UBA2: variants seen among roughly 807,000 people sequenced by gnomAD.
UBA2 encodes the protein SUMO-activating enzyme subunit 2.
UBA2 carries 11 observed loss-of-function variants against 77.2 expected under a neutral mutation model. The ratio of observed to expected loss-of-function variants is 0.14; its 90% CI spans 0.09 to 0.24. The LOEUF is 0.24. Among genes scored for constraint, UBA2 ranks in the 10% least tolerant of loss-of-function variants. UBA2 has a pLI of 1.00. For synonymous variants in UBA2, 278 were observed against 276.7 expected (o/e 1.00, Z -0.05); for missense variants, 487 against 781.7 (o/e 0.62, Z 4.50).
At chr19:34,459,014 C>T in intron 13 of UBA2, 90 bp downstream of exon 13, 1 of 1,339,728 alleles carries the variant, frequency 7.5e-7, no homozygotes, top group Non-Finnish European at 1.0e-6. Context: ...CTGAAAAGGT[C>T]CAACTGCAGA....
In UBA2 at chr19:34,466,994, C is replaced by G; in HGVS notation, c.1721C>G (p.Ala574Gly). The change falls in exon 16 of 17, where the codon GCT becomes GGT. Residue 574 changes from alanine (A) to glycine (G), a missense_variant. Coordinates refer to ENST00000246548, the MANE Select transcript of UBA2 (RefSeq NM_005499.3). ...KSITNGSDDG[A>G]QPSTSTAQEQ... The stretch of plus-strand genomic sequence containing the variant: ...ATAACCAATGGCAGTGATGATGGAG[C>G]TCAGCCCTCCACCTCCACAGGTGAG... 6.2e-7 allele frequency: 1 copy of G among 1,614,086 alleles called. No homozygotes were observed. The highest frequency in any genetic ancestry group is 8.5e-7 in the Non-Finnish European group (1 of 1,179,964).
chr19:34,457,208 A>ATATG (rs1168649138), intron 12 of UBA2, among the ~76,000 whole-genome samples: 10 of 133,992 alleles, frequency 7.5e-5, no homozygotes, highest in African/African-American at 2.6e-4. Context: ...ATATATATAT[A>ATATG]TATATAAAAT....
chr19:34,453,684 G>A (rs1236241652), intron 10 of UBA2, among the ~76,000 whole-genome samples: 1 of 151,884 alleles, frequency 6.6e-6, no homozygotes, highest in Non-Finnish European at 1.5e-5. Flanking sequence ...GCGCCACCAT[G>A]CCTGGCTAAT....
intron 16 of UBA2, 73 bp from the exon 17 acceptor site, chr19:34,468,967 T>C: frequency 7.6e-7 from 1 of 1,311,910 alleles, no homozygotes; most frequent in South Asian, 1.7e-5. Context: ...CTTTCAATTA[T>C]AGAAAATACA....
chr19:34,458,789 A>C lies in UBA2; in HGVS notation c.1266A>C (p.Pro422=). ...CAAAGATTTTTTTGAATAAACAACCAAACCCAAGAAAGAAGCTTCTTGTGC... is the reference window on the plus strand; with the variant it reads ...CAAAGATTTTTTTGAATAAACAACCCAACCCAAGAAAGAAGCTTCTTGTGC... The part of the protein sequence containing the change: ...QCRTIFLNKQ[P]NPRKKLLVPC... Residue 422 remains proline (P), a synonymous_variant, in exon 13 of 17, where the codon CCA becomes CCC. Transcript: ENST00000246548. 2 of 1,610,474 alleles carry C rather than the reference A, an allele frequency of 1.2e-6. No homozygotes were observed. The highest frequency in any genetic ancestry group is 1.1e-5 in the South Asian group (1 of 89,826).
chr19:34,462,017 T>A (rs1025071950), intron 14 of UBA2, among the ~76,000 whole-genome samples: 4 of 152,314 alleles, frequency 2.6e-5, no homozygotes, highest in Non-Finnish European at 5.9e-5. Flanking sequence ...TAAACTGCCT[T>A]GGGAGTGGCC....
At chr19:34,449,738 G>T (rs968475865) in intron 8 of UBA2, among the ~76,000 whole-genome samples, 1 of 152,014 alleles carries the variant, frequency 6.6e-6, no homozygotes, top group African/African-American at 2.4e-5. Context: ...TGTTTCTGTG[G>T]GTTATTTTTG....
At chr19:34,468,897 C>T (rs753733125) in intron 16 of UBA2, 143 bp from the exon 17 acceptor site, 7 of 590,710 alleles carry the variant, frequency 1.2e-5, no homozygotes, top group Admixed American at 3.9e-5. Flanking sequence ...TATGGAAATA[C>T]GTAATGTGTA....
Position 34,431,923 on chromosome 19 carries a change from C to T in UBA2, c.285C>T (p.Ser95=), listed in dbSNP as rs974336315. The change falls in exon 3 of 17, where the codon AGC becomes AGT. Residue 95 remains serine (S), a synonymous_variant. Coordinates refer to ENST00000246548, the MANE Select transcript of UBA2 (RefSeq NM_005499.3). ...PKANIVAYHD[S]IMNPDYNVEF... The stretch of plus-strand genomic sequence containing the variant: ...CTAATATCGTTGCCTACCATGACAG[C>T]ATCATGAAGTATGCTATAGTGATTA... 3 of 1,610,398 alleles carry T rather than the reference C, an allele frequency of 1.9e-6. No homozygotes were observed. Among genetic ancestry groups the T allele is most frequent in the Non-Finnish European group, 2.5e-6 (3 of 1,179,224 alleles).
At chr19:34,438,216 T>G (rs2075330818) in intron 5 of UBA2, among the ~76,000 whole-genome samples, 2 of 70,040 alleles carry the variant, frequency 2.9e-5, no homozygotes, top group African/African-American at 3.9e-5. Flanking sequence ...CACTTAGTTT[T>G]GCTCAAAAAA....
At chr19:34,442,667 T>G (rs2075383308) in intron 6 of UBA2, among the ~76,000 whole-genome samples, 1 of 151,992 alleles carries the variant, frequency 6.6e-6, no homozygotes, top group African/African-American at 2.4e-5. Flanking sequence ...CTGACTTCGG[T>G]TGATCCACCC....
At chr19:34,433,455 C>T in intron 4 of UBA2, 43 bp downstream of exon 4, 2 of 1,252,670 alleles carry the variant, frequency 1.6e-6, no homozygotes, top group Non-Finnish European at 2.3e-6. Context: ...TATTTCCTCT[C>T]TCCCATATCA....
chr19:34,449,701 G>T (rs945218119), intron 8 of UBA2, among the ~76,000 whole-genome samples: 1 of 152,066 alleles, frequency 6.6e-6, no homozygotes, highest in Non-Finnish European at 1.5e-5. Context: ...TAATTGTGTG[G>T]GGGTTTTTAC....
At chr19:34,448,350 TTTGGAAG>T (rs1486347418) in intron 8 of UBA2, among the ~76,000 whole-genome samples, 1 of 152,070 alleles carries the variant, frequency 6.6e-6, no homozygotes, top group Non-Finnish European at 1.5e-5. Flanking sequence ...ATCCTAGCAC[TTTGGAAG>T]GCTGAGGCGG....
At chr19:34,438,805 A>C in intron 6 of UBA2, 39 bp downstream of exon 6, 1 of 1,607,256 alleles carries the variant, frequency 6.2e-7, no homozygotes, top group Non-Finnish European at 8.5e-7. Context: ...TTCGGTACTG[A>C]TGATGGAAAA....
In UBA2 at chr19:34,464,026, C is replaced by T. The variant is rs1017611862; in HGVS notation, c.1499C>T (p.Ala500Val). 3.1e-6 allele frequency: 5 copies of T among 1,604,280 alleles called. No homozygotes were observed. In the East Asian group the frequency reaches 8.9e-5, roughly 29 times the overall value. Residue 500 changes from alanine to valine, a missense_variant and splice_region_variant, in exon 15 of 17, where the codon GCT (alanine) becomes GTT (valine). Transcript: ENST00000246548. The stretch of plus-strand genomic sequence containing the variant: ...TATCTAAATTATTCACGTTTCCTAG[C>T]TAATAATCACAAGAAGTTGTCAGAA... ...LISSEEGETE[A>V]NNHKKLSEFG... is the part of the protein sequence containing the mutation.
Position 34,464,278 on chromosome 19 carries a change from C to T in UBA2, c.1604+147C>T, listed in dbSNP as rs181849508. On this transcript the variant is annotated intron_variant, in intron 15 of 16. Transcript: ENST00000246548. Reference sequence around the variant, plus strand: ...TTTGGTTGAGTTGGTCACTGAGTTCCGTGATGTTTGACCTACAGAAAAATT... The same window carrying T: ...TTTGGTTGAGTTGGTCACTGAGTTCTGTGATGTTTGACCTACAGAAAAATT... The T allele has an allele frequency of 5.6e-5, 33 of 584,698 alleles. 1 individual carries two copies. Among genetic ancestry groups the T allele is most frequent in the African/African-American group, 3.9e-4 (21 of 53,766 alleles). 36.2% of individuals were successfully genotyped at this position (584,698 alleles called of 1,614,324 possible). A position where few individuals can be genotyped will look rare whatever the true frequency, so the allele number is the denominator to read the frequency against.
At chr19:34,442,604 G>T (rs895337471) in intron 6 of UBA2, among the ~76,000 whole-genome samples, 1 of 151,890 alleles carries the variant, frequency 6.6e-6, no homozygotes, top group Admixed American at 6.6e-5. Flanking sequence ...GCTAATATTT[G>T]TATTTTAGTA....
chr19:34,433,186 C>T lies in UBA2; in HGVS notation c.294-162C>T, dbSNP rs114639639. The stretch of plus-strand genomic sequence containing the variant: ...AAGGAAATAATTTCTTTAAAATCTG[C>T]TTATGTTTGGAAAGAGTCAAACCTT... On this transcript the variant is annotated intron_variant, in intron 3 of 16. Transcript: ENST00000246548. 7.6e-4 allele frequency: 407 copies of T among 532,302 alleles called. 2 individuals carry two copies. The highest frequency in any genetic ancestry group is 5.8e-3 in the African/African-American group (294 of 51,104). 33.0% of individuals were successfully genotyped at this position (532,302 alleles called of 1,614,324 possible). A position where few individuals can be genotyped will look rare whatever the true frequency, so the allele number is the denominator to read the frequency against.
Sources: gnomAD v4.1 joint callset for allele counts (sites outside exome capture counted in the v4.1 genomes callset) on GRCh38, gnomAD v4.1.1 for gene constraint, MANE v1.5 for transcripts, NCBI Gene and HGNC (gene_info 2026-07-23, HGNC 2026-07-21) for gene names.